The following LRFN5 variants were observed in gnomAD, a reference collection of about 807,000 sequenced individuals.
LRFN5 encodes the protein leucine rich repeat and fibronectin type III domain containing 5, also known as leucine-rich repeat and fibronectin type-III domain-containing protein 5.
A neutral mutation model predicts 45.6 loss-of-function variants in LRFN5; 24 were observed. The observed-to-expected ratio is 0.53, with a 90% CI of 0.38 to 0.74. The LOEUF is 0.74. LRFN5 is among the 30% of genes least tolerant of loss of function. The pLI is 0.00. For missense variants in LRFN5, 776 were observed against 861.5 expected, an observed-to-expected ratio of 0.90 and a Z score of 1.24; for synonymous variants, 340 against 313.8, an observed-to-expected ratio of 1.08 and a Z score of -0.88.
At chr14:41,706,608 G>A (rs1439064710) in intron 1 of LRFN5, among the ~76,000 whole-genome samples, 1 of 151,970 alleles carries the variant, frequency 6.6e-6, no homozygotes, top group East Asian at 1.9e-4. Flanking sequence ...GCCATCTGTA[G>A]TTATTATCAT....
chr14:41,868,713 C>G (rs567370707), intron 2 of LRFN5, among the ~76,000 whole-genome samples: 1 of 152,266 alleles, frequency 6.6e-6, no homozygotes, highest in African/African-American at 2.4e-5. Context: ...CATTACTAGT[C>G]TTAGGACACA....
intron 2 of LRFN5, among the ~76,000 whole-genome samples, chr14:41,856,558 C>T (rs925872649): frequency 4.0e-5 from 6 of 151,526 alleles, no homozygotes; most frequent in Admixed American, 3.9e-4. Context: ...AACTTTCACT[C>T]TCTGAACCAT....
chr14:41,636,316 G>A (rs1290820292), intron 1 of LRFN5, among the ~76,000 whole-genome samples: 1 of 152,166 alleles, frequency 6.6e-6, no homozygotes, highest in Non-Finnish European at 1.5e-5. Context: ...ACTTCCATTA[G>A]AATTTAGCAA....
intron 4 of LRFN5, among the ~76,000 whole-genome samples, chr14:41,897,047 G>A (rs759120335): frequency 1.5e-4 from 23 of 151,416 alleles, no homozygotes; most frequent in Non-Finnish European, 2.4e-4. Context: ...AGCCAAGATC[G>A]TGCCACTGAA....
intron 1 of LRFN5, chr14:41,700,720 T>C (rs1882809104): frequency 6.6e-6 from 1 of 151,910 alleles, no homozygotes; most frequent in African/African-American, 2.4e-5. Flanking sequence ...GAGTAATAGG[T>C]TTGGGAAGAA....
At chr14:41,707,610 T>C (rs1449591917) in intron 1 of LRFN5, among the ~76,000 whole-genome samples, 1 of 151,720 alleles carries the variant, frequency 6.6e-6, no homozygotes, top group Admixed American at 6.6e-5. Flanking sequence ...AAAATATACT[T>C]CTGGACTTTC....
intron 2 of LRFN5, among the ~76,000 whole-genome samples, 187 bp from the exon 3 acceptor site, chr14:41,886,419 A>G (rs557648786): frequency 1.3e-5 from 2 of 152,300 alleles, no homozygotes; most frequent in South Asian, 4.2e-4. Flanking sequence ...TGAAACTATC[A>G]ATGGTATGTT....
At chr14:41,639,853 GT>G (rs1334619099) in intron 1 of LRFN5, among the ~76,000 whole-genome samples, 1 of 150,708 alleles carries the variant, frequency 6.6e-6, no homozygotes, top group African/African-American at 2.4e-5. Context: ...TGCAATCATA[GT>G]TCAATGCAGC....
intron 1 of LRFN5, among the ~76,000 whole-genome samples, chr14:41,627,301 C>T (rs1309836043): frequency 1.3e-5 from 2 of 152,062 alleles, no homozygotes; most frequent in Non-Finnish European, 2.9e-5. Flanking sequence ...GAGTCACACA[C>T]CATTCCACCT....
intron 2 of LRFN5, among the ~76,000 whole-genome samples, chr14:41,810,707 A>C (rs1349032781): frequency 6.6e-6 from 1 of 152,102 alleles, no homozygotes; most frequent in East Asian, 1.9e-4. Context: ...AAGTTGTATT[A>C]TGAAGAAAGT....
At chr14:41,844,114 A>T (rs1463176227) in intron 2 of LRFN5, among the ~76,000 whole-genome samples, 1 of 152,192 alleles carries the variant, frequency 6.6e-6, no homozygotes, top group Non-Finnish European at 1.5e-5. Flanking sequence ...ACAATGTCAC[A>T]GTTCAACTGA....
intron 1 of LRFN5, among the ~76,000 whole-genome samples, chr14:41,730,681 T>C (rs935596346): frequency 6.6e-5 from 10 of 152,008 alleles, no homozygotes; most frequent in Non-Finnish European, 1.3e-4. Context: ...TACGTAATGA[T>C]TTTTCTGTTT....
intron 1 of LRFN5, among the ~76,000 whole-genome samples, chr14:41,663,836 T>C (rs1363381573): frequency 6.6e-6 from 1 of 151,960 alleles, no homozygotes; most frequent in Non-Finnish European, 1.5e-5. Flanking sequence ...AAATATTAAA[T>C]AATAAGATGA....
chr14:41,629,388 T>C lies in LRFN5; in HGVS notation c.-197+20826T>C, dbSNP rs573385690. Among the ~76,000 whole-genome samples, 15 of 152,342 alleles carry C rather than the reference T, an allele frequency of 9.8e-5. No homozygotes were observed. In the East Asian group the frequency reaches 2.9e-3, roughly 29 times the overall value. On this transcript the variant is annotated intron_variant, in intron 1 of 5. Transcript: ENST00000298119. Reference sequence around the variant, plus strand: ...TAGCTTTATGGCCTTGAAAGGGTTTTCTATTACTTATTTGTAAAATAATGG... The same window carrying C: ...TAGCTTTATGGCCTTGAAAGGGTTTCCTATTACTTATTTGTAAAATAATGG...
intron 2 of LRFN5, among the ~76,000 whole-genome samples, chr14:41,885,574 A>G (rs1332570306): frequency 6.6e-6 from 1 of 152,186 alleles, no homozygotes; most frequent in African/African-American, 2.4e-5. Context: ...GTTAAGTGAA[A>G]GCACTGACGG....
At chr14:41,675,101 C>G (rs1323931073) in intron 1 of LRFN5, among the ~76,000 whole-genome samples, 1 of 151,504 alleles carries the variant, frequency 6.6e-6, no homozygotes, top group African/African-American at 2.4e-5. Flanking sequence ...GGGGCAGAGA[C>G]GCTCCTCACT....
chr14:41,699,780 A>G (rs1006358953), intron 1 of LRFN5: 2 of 152,132 alleles, frequency 1.3e-5, no homozygotes, highest in African/African-American at 4.8e-5. Context: ...GATATCATCA[A>G]CAGAACATTT....
chr14:41,782,117 C>T (rs1282586101), intron 2 of LRFN5, among the ~76,000 whole-genome samples: 2 of 151,900 alleles, frequency 1.3e-5, no homozygotes, highest in East Asian at 1.9e-4. Flanking sequence ...TATTTTCCTA[C>T]TCCATTATCT....
At chr14:41,679,254 C>T (rs191183574) in intron 1 of LRFN5, among the ~76,000 whole-genome samples, 6 of 152,284 alleles carry the variant, frequency 3.9e-5, no homozygotes, top group African/African-American at 7.2e-5. Flanking sequence ...AGCCATGCGA[C>T]GCAGTGAAAC....
Sources: gnomAD v4.1 joint callset for allele counts (sites outside exome capture counted in the v4.1 genomes callset) on GRCh38, gnomAD v4.1.1 for gene constraint, MANE v1.5 for transcripts, NCBI Gene and HGNC (gene_info 2026-07-23, HGNC 2026-07-21) for gene names.